The following OR8H2 variants were observed in gnomAD, a reference collection of about 807,000 sequenced individuals.
OR8H2 encodes the protein olfactory receptor family 8 subfamily H member 2, also known as olfactory receptor 8H2.
For missense variants in OR8H2, 374 were observed against 371.1 expected (o/e 1.01, Z -0.06); for synonymous variants, 157 against 139.2 (o/e 1.13, Z -0.90).
In OR8H2 at chr11:56,105,583, A is replaced by G. The variant is rs777892451; in HGVS notation, c.541A>G (p.Thr181Ala). ...SNVIHHFFCD[T>A]SPILALSCTD... ...CGTAATTCATCACTTTTTCTGTGAC[A>G]CTTCCCCAATTTTAGCTCTGTCCTG... is the stretch of plus-strand genomic sequence containing the variant. Residue 181 changes from threonine to alanine, a missense_variant, in exon 2 of 2, where the codon ACT (threonine) becomes GCT (alanine). By Grantham distance (58) the Thr-to-Ala change is moderately conservative (BLOSUM62 0). Transcript: ENST00000313503. 44 of 1,614,144 alleles carry G rather than the reference A, an allele frequency of 2.7e-5. No homozygotes were observed. Among genetic ancestry groups the G allele is most frequent in the East Asian group, 6.7e-5 (3 of 44,868 alleles).
Position 56,105,699 on chromosome 11 carries a change from G to A in OR8H2, c.657G>A (p.Val219=). The change falls in exon 2 of 2, where the codon GTG becomes GTA. Residue 219 remains valine (V), a synonymous_variant. Transcript: ENST00000313503. Reference sequence around the variant, plus strand: ...TTTTCACAATATCTGCATCCTATGTGTTCATTCTCTTTACCATCCTGAAAA... The same window carrying A: ...TTTTCACAATATCTGCATCCTATGTATTCATTCTCTTTACCATCCTGAAAA... ...VSLFTISASY[V]FILFTILKIN... 2.5e-6 allele frequency: 4 copies of A among 1,614,042 alleles called. No individual in the cohort carries two copies. Among genetic ancestry groups the A allele is most frequent in the Non-Finnish European group, 3.4e-6 (4 of 1,179,948 alleles).
Position 56,106,020 on chromosome 11 carries a change from T to G in OR8H2, c.*39T>G. 2.5e-6 allele frequency: 3 copies of G among 1,206,478 alleles called. No homozygotes were observed. Among genetic ancestry groups the G allele is most frequent in the Non-Finnish European group, 2.3e-6 (2 of 853,718 alleles). The allele number at this position is 1,206,478 out of a possible 1,614,324, so 74.7% of individuals were successfully genotyped here. A position where few individuals can be genotyped will look rare whatever the true frequency, so the allele number is the denominator to read the frequency against. ...AATGCTGAACATTTAAACTCATCTT[T>G]TCTTTCATTCCTGTTGGGTATTTTC... On this transcript the variant is annotated 3_prime_UTR_variant, in exon 2 of 2. Coordinates refer to ENST00000313503, the MANE Select transcript of OR8H2 (RefSeq NM_001386064.1).
chr11:56,104,237 G>A (rs1159967357), intron 1 of OR8H2, among the ~76,000 whole-genome samples: 2 of 152,008 alleles, frequency 1.3e-5, no homozygotes, highest in South Asian at 2.1e-4. Flanking sequence ...AAAACATTAC[G>A]TATTTTATAA....
In OR8H2 at chr11:56,106,053, C is replaced by G. The variant is rs1854052165; in HGVS notation, c.*72C>G. 3 of 973,280 alleles carry G rather than the reference C, an allele frequency of 3.1e-6. No homozygotes were observed. The highest frequency in any genetic ancestry group is 2.5e-5 in the Admixed American group (1 of 40,490). The allele number at this position is 973,280 out of a possible 1,614,324, so 60.3% of individuals were successfully genotyped here. ...TTCCTGTTGGGTATTTTCTTAGTCTCTCTATAAAAACAATTGAATCTTTTA... is the reference window on the plus strand; with the variant it reads ...TTCCTGTTGGGTATTTTCTTAGTCTGTCTATAAAAACAATTGAATCTTTTA... On this transcript the variant is annotated 3_prime_UTR_variant, in exon 2 of 2. Coordinates refer to ENST00000313503, the MANE Select transcript of OR8H2 (RefSeq NM_001386064.1).
chr11:56,106,708 T>A lies in OR8H2; in HGVS notation c.*727T>A, dbSNP rs995999275. 6.6e-6 allele frequency: 1 copy of A among 151,994 alleles called. No individual in the cohort carries two copies. The highest frequency in any genetic ancestry group is 2.4e-5 in the African/African-American group (1 of 41,436). The allele number at this position is 151,994 out of a possible 1,614,324, so 9.4% of individuals were successfully genotyped here. A position where few individuals can be genotyped will look rare whatever the true frequency, so the allele number is the denominator to read the frequency against. ...TTGACAGAACTAAAAAGAACAAAAA[T>A]CAGCAGCTCACAATTTTGGATTTCA... is the stretch of plus-strand genomic sequence containing the variant. On this transcript the variant is annotated 3_prime_UTR_variant, in exon 2 of 2. Transcript: ENST00000313503.
chr11:56,104,819 C>T, intron 1 of OR8H2, 53 bp from the exon 2 acceptor site: 7 of 428,126 alleles, frequency 1.6e-5, no homozygotes, highest in East Asian at 7.2e-5. Flanking sequence ...AATGATATGC[C>T]ATTCATATAA....
chr11:56,105,006 T>C lies in OR8H2; in HGVS notation c.-37T>C. 1.3e-6 allele frequency: 2 copies of C among 1,547,294 alleles called. No homozygotes were observed. Among genetic ancestry groups the C allele is most frequent in the Non-Finnish European group, 1.8e-6 (2 of 1,138,122 alleles). ...GGATTACAGGCGCCCCTGCTACGTA[T>C]CAGCTTTGATTTCTCAGCAGTTTAG... On this transcript the variant is annotated 5_prime_UTR_variant, in exon 2 of 2. Coordinates refer to ENST00000313503, the MANE Select transcript of OR8H2 (RefSeq NM_001386064.1).
Position 56,105,152 on chromosome 11 carries a change from T to A in OR8H2, c.110T>A (p.Leu37Gln), listed in dbSNP as rs186532936. The A allele has an allele frequency of 3.1e-6, 5 of 1,614,202 alleles. No homozygotes were observed. The East Asian group carries it at 6.7e-5, about 22-fold the overall frequency. Reference sequence around the variant, plus strand: ...TTTATGCTATTTCTCCTGATATACCTAATTACTATGCTGGGGAATGTGGGG... The same window carrying A: ...TTTATGCTATTTCTCCTGATATACCAAATTACTATGCTGGGGAATGTGGGG... ...ALFMLFLLIYLITMLGNVGMI... is the reference protein window; with the variant it reads ...ALFMLFLLIYQITMLGNVGMI... The change falls in exon 2 of 2, where the codon CTA becomes CAA. Residue 37 changes from leucine (L) to glutamine (Q), a missense_variant. By Grantham distance (113) the Leu-to-Gln change is moderately radical. Transcript: ENST00000313503.
rs1207068770 is a variant in OR8H2, at chr11:56,106,161, C to T, written c.*180C>T. ...TTCAAGGCATATGTTTTTAGAAATC[C>T]AAATGGTAATTAGAAATCATAATAT... On this transcript the variant is annotated 3_prime_UTR_variant, in exon 2 of 2. Coordinates refer to ENST00000313503, the MANE Select transcript of OR8H2 (RefSeq NM_001386064.1). 1 of 479,410 alleles carries T rather than the reference C, an allele frequency of 2.1e-6. No individual in the cohort carries two copies. The highest frequency in any genetic ancestry group is 3.6e-6 in the Non-Finnish European group (1 of 275,484). 29.7% of individuals were successfully genotyped at this position (479,410 alleles called of 1,614,324 possible). A position where few individuals can be genotyped will look rare whatever the true frequency, so the allele number is the denominator to read the frequency against.
In OR8H2 at chr11:56,107,658, G is replaced by A. The variant is rs566895645; in HGVS notation, c.*1677G>A. On this transcript the variant is annotated 3_prime_UTR_variant, in exon 2 of 2. Transcript: ENST00000313503. ...TAATCTTGTGAAATTTGTTATCTTC[G>A]TACAATTATATTTGATTTCTTCTAA... 4.0e-5 allele frequency: 6 copies of A among 151,392 alleles called. No individual in the cohort carries two copies. The highest frequency in any genetic ancestry group is 7.3e-5 in the African/African-American group (3 of 41,268). 9.4% of individuals were successfully genotyped at this position (151,392 alleles called of 1,614,324 possible).
Position 56,107,185 on chromosome 11 carries a change from T to C in OR8H2, c.*1204T>C, listed in dbSNP as rs914780875. 1.3e-5 allele frequency: 2 copies of C among 151,930 alleles called. No homozygotes were observed. Among genetic ancestry groups the C allele is most frequent in the African/African-American group, 4.8e-5 (2 of 41,438 alleles). 9.4% of individuals were successfully genotyped at this position (151,930 alleles called of 1,614,324 possible). A position where few individuals can be genotyped will look rare whatever the true frequency, so the allele number is the denominator to read the frequency against. ...AAACTCACCAACTTACAAATCTACA[T>C]GCAGTGATATCTCTTTTGCGTGCAA... On this transcript the variant is annotated 3_prime_UTR_variant, in exon 2 of 2. Transcript: ENST00000313503.
intron 1 of OR8H2, among the ~76,000 whole-genome samples, 197 bp downstream of exon 1, chr11:56,104,184 T>C (rs1006686398): frequency 1.3e-5 from 2 of 152,040 alleles, no homozygotes; most frequent in African/African-American, 2.4e-5. Context: ...ACTTTGAAAA[T>C]ATAATTTTTG....
chr11:56,105,603 G>A lies in OR8H2; in HGVS notation c.561G>A (p.Leu187=), dbSNP rs756947826. ...FFCDTSPILA[L]SCTDTYNTEI... ...GTGACACTTCCCCAATTTTAGCTCTGTCCTGCACTGATACATACAACACCG... is the reference window on the plus strand; with the variant it reads ...GTGACACTTCCCCAATTTTAGCTCTATCCTGCACTGATACATACAACACCG... The change falls in exon 2 of 2, where the codon CTG becomes CTA. Residue 187 remains leucine (L), a synonymous_variant. Coordinates refer to ENST00000313503, the MANE Select transcript of OR8H2 (RefSeq NM_001386064.1). 3 of 1,614,142 alleles carry A rather than the reference G, an allele frequency of 1.9e-6. No homozygotes were observed. In the East Asian group the frequency reaches 6.7e-5, roughly 36 times the overall value.
intron 1 of OR8H2, among the ~76,000 whole-genome samples, chr11:56,104,590 A>T (rs1467346435): frequency 1.3e-5 from 2 of 152,152 alleles, no homozygotes; most frequent in African/African-American, 4.8e-5. Flanking sequence ...GTAGTATCTA[A>T]GGTATACTAT....
Position 56,107,646 on chromosome 11 carries a change from TTTG to T in OR8H2, c.*1668_*1670del, listed in dbSNP as rs1416095732. 6.6e-6 allele frequency: 1 copy of T among 151,860 alleles called. No individual in the cohort carries two copies. Among genetic ancestry groups the T allele is most frequent in the African/African-American group, 2.4e-5 (1 of 41,424 alleles). 9.4% of individuals were successfully genotyped at this position (151,860 alleles called of 1,614,324 possible). ...GCAATACTTTTTTAATCTTGTGAAA[TTTG>T]TTATCTTCGTACAATTATATTTGAT... On this transcript the variant is annotated 3_prime_UTR_variant, in exon 2 of 2. Transcript: ENST00000313503.
Position 56,105,498 on chromosome 11 carries a change from C to A in OR8H2, c.456C>A (p.Gly152=). Residue 152 remains glycine, a synonymous_variant, in exon 2 of 2, where the codon GGC becomes GGA. Coordinates refer to ENST00000313503, the MANE Select transcript of OR8H2 (RefSeq NM_001386064.1). ...TCATCACTGGGCCTTATGTGATTGG[C>A]TTTATAGACTCCTTTGTCAACGTGG... ...LALITGPYVI[G]FIDSFVNVVS... is the part of the protein sequence containing the mutation. 6.2e-7 allele frequency: 1 copy of A among 1,614,174 alleles called. No individual in the cohort carries two copies. The highest frequency in any genetic ancestry group is 8.5e-7 in the Non-Finnish European group (1 of 1,180,030).
rs549748112 is a variant in OR8H2 at position 56,105,707 on chromosome 11, T to A, written c.665T>A (p.Leu222His). The A allele has an allele frequency of 3.6e-5, 58 of 1,614,166 alleles. No homozygotes were observed. The South Asian group carries it at 6.1e-4, about 17-fold the overall frequency. ...ATATCTGCATCCTATGTGTTCATTC[T>A]CTTTACCATCCTGAAAATTAATTCC... ...FTISASYVFI[L>H]FTILKINSTS... The change falls in exon 2 of 2, where the codon CTC (leucine) becomes CAC (histidine). Residue 222 changes from leucine to histidine, a missense_variant. Transcript: ENST00000313503.
chr11:56,105,038 T>C lies in OR8H2; in HGVS notation c.-5T>C, dbSNP rs750521529. 2 of 1,604,580 alleles carry C rather than the reference T, an allele frequency of 1.2e-6. No homozygotes were observed. The highest frequency in any genetic ancestry group is 4.5e-5 in the East Asian group (2 of 44,844). On this transcript the variant is annotated 5_prime_UTR_variant, in exon 2 of 2. Coordinates refer to ENST00000313503, the MANE Select transcript of OR8H2 (RefSeq NM_001386064.1). Reference sequence around the variant, plus strand: ...TGATTTCTCAGCAGTTTAGAGCAGGTGAACATGATGGGTAGAAGGAATAAC... The same window carrying C: ...TGATTTCTCAGCAGTTTAGAGCAGGCGAACATGATGGGTAGAAGGAATAAC...
At chr11:56,104,633 G>A (rs184841272) in intron 1 of OR8H2, among the ~76,000 whole-genome samples, 2 of 152,214 alleles carry the variant, frequency 1.3e-5, no homozygotes, top group Non-Finnish European at 1.5e-5. Context: ...AATAAAGGAA[G>A]TCATTCAGAA....
Sources: allele counts gnomAD v4.1 joint callset (sites outside exome capture counted in the v4.1 genomes callset), GRCh38; gene constraint gnomAD v4.1.1; transcripts MANE v1.5; gene names NCBI Gene and HGNC (gene_info 2026-07-23, HGNC 2026-07-21).